The following ELAPOR2 variants were observed in gnomAD, a reference collection of about 807,000 sequenced individuals.
The protein encoded by ELAPOR2 is endosome-lysosome associated apoptosis and autophagy regulator family member 2.
Under a neutral mutation model 120.7 loss-of-function variants are expected in ELAPOR2, and 89 were observed. The ratio of observed to expected loss-of-function variants is 0.74; its 90% CI spans 0.62 to 0.88. ELAPOR2 has a LOEUF of 0.88. ELAPOR2 is among the 40% of genes least tolerant of loss of function. The pLI, the probability that ELAPOR2 is intolerant of heterozygous loss-of-function variation, is 0.00. For synonymous variants in ELAPOR2, 444 were observed against 444.9 expected, an observed-to-expected ratio of 1.00 and a Z score of 0.03; for missense variants, 1,134 against 1,251.6, an observed-to-expected ratio of 0.91 and a Z score of 1.42.
intron 21 of ELAPOR2, 67 bp from the exon 22 acceptor site, chr7:86,880,597 G>T: frequency 1.0e-6 from 1 of 988,798 alleles, no homozygotes; most frequent in Non-Finnish European, 1.6e-6. Context: ...GATCTTACAT[G>T]TCCAGAAGGA....
At chr7:87,033,175 A>T (rs987764708) in intron 1 of ELAPOR2, among the ~76,000 whole-genome samples, 1 of 152,200 alleles carries the variant, frequency 6.6e-6, no homozygotes, top group Non-Finnish European at 1.5e-5. Context: ...AGACAAATCT[A>T]TCCCAGCTTT....
In ELAPOR2 at chr7:86,918,498, T is replaced by G; in HGVS notation, c.1537A>C (p.Ile513Leu). The G allele has an allele frequency of 6.2e-7, 1 of 1,613,382 alleles. No individual in the cohort carries two copies. The highest frequency in any genetic ancestry group is 1.1e-5 in the South Asian group (1 of 91,060). ...TGATGSELGRITFVFETLCSA... is the reference protein window; with the variant it reads ...TGATGSELGRLTFVFETLCSA... ...CAGAGGGTCTCAAAGACAAATGTTA[T>G]TCTTCCTAGTTCAGAACCCGTGGCT... The change falls in exon 12 of 22, where the codon ATA becomes CTA. Residue 513 changes from isoleucine to leucine, a missense_variant. Ile to Leu is a conservative substitution (Grantham distance 5). Transcript: ENST00000450689.
intron 1 of ELAPOR2, among the ~76,000 whole-genome samples, chr7:87,035,102 AAAAT>A (rs1192824339): frequency 6.6e-6 from 1 of 152,144 alleles, no homozygotes; most frequent in African/African-American, 2.4e-5. Context: ...AAAAAAAAAA[AAAAT>A]TGTGTGCTAG....
At chr7:86,982,286 T>G (rs1016562073) in intron 1 of ELAPOR2, among the ~76,000 whole-genome samples, 52 of 152,370 alleles carry the variant, frequency 3.4e-4, no homozygotes, top group African/African-American at 1.2e-3. Context: ...TGGCCCTGTC[T>G]GACAGCTCTG....
chr7:86,945,329 T>C (rs1790956245), intron 3 of ELAPOR2, among the ~76,000 whole-genome samples: 1 of 152,260 alleles, frequency 6.6e-6, no homozygotes, highest in Non-Finnish European at 1.5e-5. Flanking sequence ...CTAATTTTAG[T>C]AGCCTTAGAT....
At chr7:86,883,023 GGTGTGTGTGTGTGT>G (rs55859925) in intron 21 of ELAPOR2, among the ~76,000 whole-genome samples, 9 of 141,552 alleles carry the variant, frequency 6.4e-5, no homozygotes, top group South Asian at 2.3e-4. Flanking sequence ...GTTTGAAAGG[GGTGTGTGTGTGTGT>G]GTGTGTGTGT....
chr7:87,040,153 C>T (rs1187726074), intron 1 of ELAPOR2, among the ~76,000 whole-genome samples: 1 of 152,246 alleles, frequency 6.6e-6, no homozygotes, highest in Non-Finnish European at 1.5e-5. Context: ...GCTAGCACAG[C>T]AGTCTGAGAT....
intron 1 of ELAPOR2, among the ~76,000 whole-genome samples, chr7:87,042,467 C>T (rs1282546922): frequency 4.0e-5 from 6 of 151,360 alleles, no homozygotes; most frequent in Admixed American, 6.6e-5. Flanking sequence ...CACTCAAAAC[C>T]GCTCAACTAC....
At position 86,925,639 on chromosome 7, in the gene ELAPOR2, C is replaced by A; in HGVS notation, c.1288G>T (p.Ala430Ser). Residue 430 changes from alanine to serine, a missense_variant, in exon 10 of 22, where the codon GCA (alanine) becomes TCA (serine). Physicochemically the swap from Ala to Ser is moderately conservative, Grantham distance 99. This residue lies in a region of ELAPOR2 where 831 missense variants were observed against 867.6 expected (regional missense o/e 0.96). Transcript: ENST00000450689. The part of the protein sequence containing the change: ...DGTKECRPCP[A>S]GTEPALGFEY... ...AAGCCAAGTGCAGGCTCCGTTCCTGCTGGACATGGTCTACATTCTACAGGA... is the reference window on the plus strand; with the variant it reads ...AAGCCAAGTGCAGGCTCCGTTCCTGATGGACATGGTCTACATTCTACAGGA... 2 of 1,611,700 alleles carry A rather than the reference C, an allele frequency of 1.2e-6. No individual in the cohort carries two copies. The highest frequency in any genetic ancestry group is 1.7e-6 in the Non-Finnish European group (2 of 1,178,400).
At chr7:86,954,542 T>C (rs1470770653) in intron 2 of ELAPOR2, among the ~76,000 whole-genome samples, 6 of 152,156 alleles carry the variant, frequency 3.9e-5, no homozygotes. Context: ...TTCAATTTAC[T>C]TGTTTAATGA....
chr7:87,038,018 T>C, intron 1 of ELAPOR2, among the ~76,000 whole-genome samples: 1 of 152,200 alleles, frequency 6.6e-6, no homozygotes, highest in Non-Finnish European at 1.5e-5. Flanking sequence ...TATCCTATAA[T>C]TTTTTCCTGT....
chr7:86,987,514 A>C (rs1259053095), intron 1 of ELAPOR2, among the ~76,000 whole-genome samples: 2 of 152,084 alleles, frequency 1.3e-5, no homozygotes, highest in Non-Finnish European at 2.9e-5. Flanking sequence ...AAAACAAACA[A>C]CCCTATCGAA....
Position 87,004,756 on chromosome 7 carries a change from C to T in ELAPOR2, c.190-39732G>A, listed in dbSNP as rs144394831. Among the ~76,000 whole-genome samples the T allele has an allele frequency of 7.4e-3, 1,129 of 152,160 alleles. 11 individuals carry two copies. Among genetic ancestry groups the T allele is most frequent in the African/African-American group, 0.026 (1,072 of 41,530 alleles). On this transcript the variant is annotated intron_variant, in intron 1 of 21. Coordinates refer to ENST00000450689, the MANE Select transcript of ELAPOR2 (RefSeq NM_001142749.3). ...AGTGCATTCTCATCATGAAGGCCAT[C>T]GGACATATTAACGGAGAAGGAGGCC...
chr7:87,021,758 A>T (rs1794047558), intron 1 of ELAPOR2, among the ~76,000 whole-genome samples: 1 of 152,188 alleles, frequency 6.6e-6, no homozygotes, highest in Non-Finnish European at 1.5e-5. Flanking sequence ...TTTCCCAGCT[A>T]ATCTCAGAAC....
chr7:86,878,520 C>A lies in ELAPOR2; in HGVS notation c.*1951G>T, dbSNP rs890557130. ...AAAGAAGCTACCTGGGAGAAAATCCCAATTATCTCTATGGCTTGGAACATA... is the reference window on the plus strand; with the variant it reads ...AAAGAAGCTACCTGGGAGAAAATCCAAATTATCTCTATGGCTTGGAACATA... On this transcript the variant is annotated 3_prime_UTR_variant, in exon 22 of 22. Coordinates refer to ENST00000450689, the MANE Select transcript of ELAPOR2 (RefSeq NM_001142749.3). The A allele has an allele frequency of 1.3e-5, 2 of 152,118 alleles. No homozygotes were observed. Among genetic ancestry groups the A allele is most frequent in the Admixed American group, 6.6e-5 (1 of 15,258 alleles). The allele number at this position is 152,118 out of a possible 1,614,324, so 9.4% of individuals were successfully genotyped here.
At chr7:86,981,172 G>C (rs1792464676) in intron 1 of ELAPOR2, among the ~76,000 whole-genome samples, 1 of 152,166 alleles carries the variant, frequency 6.6e-6, no homozygotes, top group African/African-American at 2.4e-5. Flanking sequence ...CACTTCTGTT[G>C]TCGGTTCCCT....
chr7:86,921,559 C>T (rs901505416), intron 10 of ELAPOR2, among the ~76,000 whole-genome samples: 1 of 152,130 alleles, frequency 6.6e-6, no homozygotes, highest in Admixed American at 6.6e-5. Context: ...TGATTTCAGA[C>T]TTCTGGCCTC....
At chr7:86,927,638 G>A (rs1241725300) in intron 8 of ELAPOR2, among the ~76,000 whole-genome samples, 2 of 151,836 alleles carry the variant, frequency 1.3e-5, no homozygotes, top group Admixed American at 6.6e-5. Flanking sequence ...GAAAACAGCT[G>A]TAACTCAGTC....
At chr7:87,004,798 AAAAGAG>A (rs369464346) in intron 1 of ELAPOR2, among the ~76,000 whole-genome samples, 52 of 152,236 alleles carry the variant, frequency 3.4e-4, no homozygotes, top group African/African-American at 1.2e-3. Flanking sequence ...TGCTATGCAT[AAAAGAG>A]AAAGAACAGA....
Sources: gnomAD v4.1 joint callset for allele counts (sites outside exome capture counted in the v4.1 genomes callset) on GRCh38, gnomAD v4.1.1 for gene constraint, gnomAD v4.1.1 regional missense constraint, MANE v1.5 for transcripts, NCBI Gene and HGNC (gene_info 2026-07-23, HGNC 2026-07-21) for gene names.